Variants in TOPAZ1 observed in about 807,000 individuals in gnomAD.
The protein encoded by TOPAZ1 is protein TOPAZ1.
Under a neutral mutation model 172.2 loss-of-function variants are expected in TOPAZ1, and 66 were observed. That is an observed-to-expected ratio of 0.38 (90% confidence interval 0.31 to 0.47). The LOEUF is 0.47. Among genes scored for constraint, TOPAZ1 ranks in the 20% least tolerant of loss-of-function variants. TOPAZ1 has a pLI of 0.99. For synonymous variants in TOPAZ1, 681 were observed against 683.9 expected (o/e 1.00, Z 0.07); for missense variants, 1,822 against 1,972.4 (o/e 0.92, Z 1.44).
At chr3:44,301,129 G>A (rs996014216) in intron 12 of TOPAZ1, among the ~76,000 whole-genome samples, 15 of 152,202 alleles carry the variant, frequency 9.9e-5, no homozygotes, top group Non-Finnish European at 2.9e-5. Context: ...GACAGGGACA[G>A]TGGAGAGGGG....
intron 12 of TOPAZ1, among the ~76,000 whole-genome samples, chr3:44,292,120 G>A (rs1213932856): frequency 6.6e-6 from 1 of 152,140 alleles, no homozygotes; most frequent in South Asian, 2.1e-4. Context: ...TAAAAGAATT[G>A]CAGCTCTAAA....
At chr3:44,264,729 C>G (rs1411610981) in intron 5 of TOPAZ1, among the ~76,000 whole-genome samples, 1 of 152,230 alleles carries the variant, frequency 6.6e-6, no homozygotes, top group Non-Finnish European at 1.5e-5. Context: ...CTCTCAAACT[C>G]TACCTCTGCT....
intron 15 of TOPAZ1, among the ~76,000 whole-genome samples, chr3:44,308,691 T>C (rs1445184575): frequency 1.3e-5 from 2 of 151,980 alleles, no homozygotes; most frequent in Non-Finnish European, 2.9e-5. Flanking sequence ...TATTTGGTTA[T>C]TATTTGAGAC....
At chr3:44,249,675 C>A (rs1699607081) in intron 2 of TOPAZ1, among the ~76,000 whole-genome samples, 1 of 152,108 alleles carries the variant, frequency 6.6e-6, no homozygotes, top group Middle Eastern at 3.2e-3. Context: ...ATTTGCAAGT[C>A]CAGTCCCTCA....
chr3:44,309,625 G>A (rs898240730), intron 15 of TOPAZ1, among the ~76,000 whole-genome samples, 200 bp from the exon 16 acceptor site: 3 of 152,172 alleles, frequency 2.0e-5, no homozygotes, highest in Non-Finnish European at 4.4e-5. Flanking sequence ...ATATGAGGCA[G>A]AGCCTTGCTT....
chr3:44,310,078 C>T (rs1700381927), intron 16 of TOPAZ1, 88 bp downstream of exon 16: 1 of 1,240,700 alleles, frequency 8.1e-7, no homozygotes, highest in African/African-American at 1.5e-5. Context: ...TGATATTGAA[C>T]TGTGGTTAAT....
At chr3:44,306,225 C>A in intron 14 of TOPAZ1, 101 bp from the exon 15 acceptor site, 2 of 706,118 alleles carry the variant, frequency 2.8e-6, no homozygotes, top group Middle Eastern at 2.7e-4. Context: ...TTTGCCAACA[C>A]CTGGTCTTTA....
chr3:44,274,810 TC>T (rs767020460), intron 8 of TOPAZ1, among the ~76,000 whole-genome samples: 2 of 152,122 alleles, frequency 1.3e-5, no homozygotes, highest in Admixed American at 6.5e-5. Context: ...TGCCTCAGCC[TC>T]CCAAAGTGCT....
At chr3:44,264,627 A>G (rs73088407) in intron 5 of TOPAZ1, among the ~76,000 whole-genome samples, 10,818 of 152,266 alleles carry the variant, frequency 0.071, 526 homozygotes, top group Middle Eastern at 0.12. Context: ...ATCAGTTGAC[A>G]CTTCTTTTCA....
Position 44,241,916 on chromosome 3 carries a change from C to T in TOPAZ1, c.-138C>T, listed in dbSNP as rs911765533. The T allele has an allele frequency of 8.3e-6, 7 of 842,100 alleles. No homozygotes were observed. Among genetic ancestry groups the T allele is most frequent in the African/African-American group, 3.6e-5 (2 of 55,082 alleles). 52.2% of individuals were successfully genotyped at this position (842,100 alleles called of 1,614,324 possible). ...CGCTTACGCGCCCCACTTCCGCTTC[C>T]GGCCCCGGGCTGTGGTGACTGGCGG... On this transcript the variant is annotated 5_prime_UTR_variant, in exon 1 of 20. Transcript: ENST00000309765.
chr3:44,309,717 T>C (rs1700376919), intron 15 of TOPAZ1, 108 bp from the exon 16 acceptor site: 1 of 804,654 alleles, frequency 1.2e-6, no homozygotes, highest in Non-Finnish European at 2.0e-6. Flanking sequence ...CAGCCAGCAG[T>C]CTAGGATGAT....
At chr3:44,302,319 A>T (rs1280146577) in intron 12 of TOPAZ1, among the ~76,000 whole-genome samples, 2 of 152,128 alleles carry the variant, frequency 1.3e-5, no homozygotes, top group African/African-American at 4.8e-5. Flanking sequence ...CTGAGGTAGG[A>T]GAATGGCGTG....
At chr3:44,284,272 C>T (rs1235625026) in intron 9 of TOPAZ1, among the ~76,000 whole-genome samples, 3 of 152,180 alleles carry the variant, frequency 2.0e-5, no homozygotes, top group Non-Finnish European at 2.9e-5. Flanking sequence ...AATAACTCCT[C>T]ATTACCCTCA....
Position 44,281,955 on chromosome 3 carries a change from G to C in TOPAZ1, c.3373-13G>C, listed in dbSNP as rs567993796. 33 of 1,523,434 alleles carry C rather than the reference G, an allele frequency of 2.2e-5. No individual in the cohort carries two copies. The highest frequency in any genetic ancestry group is 4.9e-5 in the East Asian group (2 of 40,562). The allele number at this position is 1,523,434 out of a possible 1,614,324, so 94.4% of individuals were successfully genotyped here. ...TAAAAAAGGTAGTTTTACATTTTTCGTGACTTTTGCAGGTTTGCATGGATG... is the reference window on the plus strand; with the variant it reads ...TAAAAAAGGTAGTTTTACATTTTTCCTGACTTTTGCAGGTTTGCATGGATG... On this transcript the variant is annotated splice_polypyrimidine_tract_variant and intron_variant, in intron 8 of 19. Transcript: ENST00000309765.
chr3:44,252,081 A>G (rs1241877597), intron 2 of TOPAZ1, among the ~76,000 whole-genome samples: 1 of 152,134 alleles, frequency 6.6e-6, no homozygotes, highest in African/African-American at 2.4e-5. Context: ...AGCTATTTTC[A>G]TAGTAAAAAG....
Position 44,253,695 on chromosome 3 carries a change from GT to G in TOPAZ1, c.2766-1270del, listed in dbSNP as rs374143228. On this transcript the variant is annotated intron_variant, in intron 2 of 19. Transcript: ENST00000309765. ...AGATGTGCATTTGTGTATGTTTTCT[GT>G]TTGTATTATTTCCCCATCCTTTAAA... Among the ~76,000 whole-genome samples the G allele has an allele frequency of 2.1e-3, 313 of 152,284 alleles. 1 individual carries two copies. The highest frequency in any genetic ancestry group is 6.4e-3 in the African/African-American group (265 of 41,558).
intron 5 of TOPAZ1, among the ~76,000 whole-genome samples, chr3:44,263,416 C>G (rs1475507053): frequency 6.6e-6 from 1 of 152,192 alleles, no homozygotes; most frequent in African/African-American, 2.4e-5. Context: ...GTCATTACAT[C>G]ACCATGGGCT....
intron 4 of TOPAZ1, among the ~76,000 whole-genome samples, chr3:44,257,222 C>A (rs2125680867): frequency 6.6e-6 from 1 of 151,562 alleles, no homozygotes; most frequent in South Asian, 2.1e-4. Context: ...GTAGTCCCAG[C>A]TACTTGGCGG....
rs71085612 is a variant in TOPAZ1 at position 44,269,471 on chromosome 3, C to CTTTTTTTTTTTTTTT, written c.3246+187_3246+201dup. On this transcript the variant is annotated intron_variant, in intron 7 of 19. Coordinates refer to ENST00000309765, the MANE Select transcript of TOPAZ1 (RefSeq NM_001145030.2). ...CCTTTTGATTGTATTTCCCTATCAT[C>CTTTTTTTTTTTTTTT]TTTTTTTTTTTTTTTTTTTTTTTTT... Among the ~76,000 whole-genome samples the CTTTTTTTTTTTTTTT allele has an allele frequency of 2.2e-3, 73 of 33,934 alleles. 8 individuals carry two copies. Among genetic ancestry groups the CTTTTTTTTTTTTTTT allele is most frequent in the African/African-American group, 4.9e-3 (30 of 6,122 alleles). The allele number at this position is 33,934 out of a possible 152,430, so 22.3% of individuals were successfully genotyped here.
Sources: gnomAD v4.1 joint callset for allele counts (sites outside exome capture counted in the v4.1 genomes callset) on GRCh38, gnomAD v4.1.1 for gene constraint, MANE v1.5 for transcripts, NCBI Gene and HGNC (gene_info 2026-07-23, HGNC 2026-07-21) for gene names.